The following AQP9 variants were observed in gnomAD, a reference collection of about 807,000 sequenced individuals.
The protein encoded by AQP9 is aquaporin 9, also known as aquaporin-9.
A neutral mutation model predicts 23.8 loss-of-function variants in AQP9; 19 were observed. That is an observed-to-expected ratio of 0.80 (90% CI 0.56 to 1.17). The LOEUF (loss-of-function observed/expected upper bound fraction) is 1.17, where lower values mean the gene tolerates loss of function less well. AQP9 is among the 50% of genes most tolerant of loss of function. The probability of loss-of-function intolerance (pLI) is 0.00; values close to 1 mark genes in which losing one functional copy is unlikely to be tolerated. For synonymous variants in AQP9, 153 were observed against 131.5 expected (o/e 1.16, Z -1.12); for missense variants, 413 against 362.0 (o/e 1.14, Z -1.14).
At chr15:58,160,079 T>A (rs566908628) in intron 1 of AQP9, among the ~76,000 whole-genome samples, 1 of 152,186 alleles carries the variant, frequency 6.6e-6, no homozygotes, top group African/African-American at 2.4e-5. Flanking sequence ...CTTAGGAACC[T>A]CCACACTATT....
intron 1 of AQP9, among the ~76,000 whole-genome samples, chr15:58,142,902 C>T (rs1190698299): frequency 1.3e-5 from 2 of 152,152 alleles, no homozygotes; most frequent in African/African-American, 4.8e-5. Context: ...ATCAGAAGCC[C>T]CTACTGTCAG....
chr15:58,167,294 G>A (rs774352380), intron 2 of AQP9, among the ~76,000 whole-genome samples: 9 of 152,174 alleles, frequency 5.9e-5, no homozygotes, highest in Non-Finnish European at 1.2e-4. Flanking sequence ...AAAGTAAACT[G>A]ATTAGAAGCC....
rs781181323 is a variant in AQP9 at position 58,173,176 on chromosome 15, G to C, written c.347G>C (p.Gly116Ala). The C allele has an allele frequency of 6.2e-6, 10 of 1,614,106 alleles. No homozygotes were observed. Among genetic ancestry groups the C allele is most frequent in the Non-Finnish European group, 7.6e-6 (9 of 1,180,020 alleles). ...GCCCAGTTCTTGGGAGCCTTTGTGG[G>C]GGCTGCAACCGTCTTTGGCATTTAC... is the stretch of plus-strand genomic sequence containing the variant. ...VGAQFLGAFV[G>A]AATVFGIYYD... Residue 116 changes from glycine (G) to alanine (A), a missense_variant, in exon 3 of 6, where the codon GGG (glycine) becomes GCG (alanine). Coordinates refer to ENST00000219919, the MANE Select transcript of AQP9 (RefSeq NM_020980.5).
At chr15:58,160,201 G>A (rs1289146785) in intron 1 of AQP9, among the ~76,000 whole-genome samples, 3 of 151,658 alleles carry the variant, frequency 2.0e-5, no homozygotes, top group Admixed American at 6.6e-5. Flanking sequence ...GGGGTGAGAC[G>A]CTATCTCATT....
intron 1 of AQP9, chr15:58,154,503 G>A (rs1339331781): frequency 2.0e-5 from 3 of 152,132 alleles, no homozygotes; most frequent in Admixed American, 1.3e-4. Flanking sequence ...TGCACCGACA[G>A]AATCCTCACG....
At chr15:58,153,833 C>A (rs2140597962) in intron 1 of AQP9, 1 of 152,220 alleles carries the variant, frequency 6.6e-6, no homozygotes, top group East Asian at 1.9e-4. Context: ...TTATCGCAAC[C>A]TCCCTAACAG....
At chr15:58,180,160 C>T (rs1444990292) in intron 5 of AQP9, among the ~76,000 whole-genome samples, 2 of 152,162 alleles carry the variant, frequency 1.3e-5, no homozygotes, top group East Asian at 1.9e-4. Flanking sequence ...GTCACAGAGG[C>T]GCATCCTCAT....
At chr15:58,175,085 T>A (rs1034889575) in intron 4 of AQP9, 49 bp downstream of exon 4, 1 of 1,467,120 alleles carries the variant, frequency 6.8e-7, no homozygotes. Context: ...AGATATGCTC[T>A]CATAAGGGGA....
intron 1 of AQP9, among the ~76,000 whole-genome samples, chr15:58,164,337 C>T (rs995910271): frequency 6.6e-6 from 1 of 152,180 alleles, no homozygotes; most frequent in African/African-American, 2.4e-5. Flanking sequence ...CTCTCTTTTG[C>T]GTCTCTTCTT....
chr15:58,175,064 C>A (rs746433549), intron 4 of AQP9, 28 bp downstream of exon 4: 2 of 1,564,504 alleles, frequency 1.3e-6, no homozygotes, highest in African/African-American at 1.4e-5. Context: ...AAAGACTTAA[C>A]TTTGGTGAAA....
At chr15:58,182,289 T>C (rs1326432381) in intron 5 of AQP9, among the ~76,000 whole-genome samples, 1 of 152,200 alleles carries the variant, frequency 6.6e-6, no homozygotes, top group Non-Finnish European at 1.5e-5. Flanking sequence ...TTTAGACAGT[T>C]AACATACACA....
At chr15:58,146,555 C>G (rs963610854) in intron 1 of AQP9, among the ~76,000 whole-genome samples, 9 of 152,092 alleles carry the variant, frequency 5.9e-5, no homozygotes, top group Non-Finnish European at 1.0e-4. Flanking sequence ...TCTGTCGTCT[C>G]GAGTTGCGGG....
intron 1 of AQP9, among the ~76,000 whole-genome samples, chr15:58,148,512 C>A (rs1180255069): frequency 2.0e-5 from 3 of 152,216 alleles, no homozygotes; most frequent in African/African-American, 7.2e-5. Context: ...TTGAGAGTGA[C>A]AAGAGGCGGC....
At chr15:58,167,535 C>A (rs1324043815) in intron 2 of AQP9, among the ~76,000 whole-genome samples, 1 of 152,152 alleles carries the variant, frequency 6.6e-6, no homozygotes, top group Admixed American at 6.5e-5. Flanking sequence ...ATCTCCCTCT[C>A]CTTTACAACA....
intron 1 of AQP9, among the ~76,000 whole-genome samples, chr15:58,162,008 A>T (rs35924206): frequency 0.1 from 15,942 of 152,308 alleles, 1,055 homozygotes; most frequent in Non-Finnish European, 0.15. Context: ...TATCTTGAAA[A>T]TCTTCTTATA....
At chr15:58,159,319 A>G (rs776445266) in intron 1 of AQP9, among the ~76,000 whole-genome samples, 4 of 151,840 alleles carry the variant, frequency 2.6e-5, no homozygotes, top group African/African-American at 9.7e-5. Flanking sequence ...TCTATTTATC[A>G]TTTCCACATT....
chr15:58,142,675 T>C (rs1897971831), intron 1 of AQP9, among the ~76,000 whole-genome samples: 1 of 152,210 alleles, frequency 6.6e-6, no homozygotes, highest in Non-Finnish European at 1.5e-5. Flanking sequence ...CTCTTTTGGT[T>C]CAGAGCAAAG....
chr15:58,141,133 A>G (rs1171762244), intron 1 of AQP9, among the ~76,000 whole-genome samples: 2 of 152,192 alleles, frequency 1.3e-5, no homozygotes, highest in African/African-American at 4.8e-5. Flanking sequence ...AAAGTTTGCA[A>G]TGCAAAAGGC....
In AQP9 at chr15:58,138,532, T is replaced by G. The variant is rs746208655; in HGVS notation, c.-34T>G. 7.0e-6 allele frequency: 11 copies of G among 1,566,310 alleles called. No homozygotes were observed. In the African/African-American group the frequency reaches 1.5e-4, roughly 21 times the overall value. On this transcript the variant is annotated 5_prime_UTR_variant, in exon 1 of 6. The change creates a new upstream start codon in the 5' untranslated region. Coordinates refer to ENST00000219919, the MANE Select transcript of AQP9 (RefSeq NM_020980.5). ...AGTGAGGACCACAACAGGTAGGTAT[T>G]GGTAGAAACAGGAGTCCTCAGAGAA...
Sources: gnomAD v4.1 joint callset for allele counts (sites outside exome capture counted in the v4.1 genomes callset) on GRCh38, gnomAD v4.1.1 for gene constraint, MANE v1.5 for transcripts, NCBI Gene and HGNC (gene_info 2026-07-23, HGNC 2026-07-21) for gene names.